TNIK: variants seen among roughly 807,000 people sequenced by gnomAD.
TNIK encodes TRAF2 and NCK interacting kinase.
In TNIK, 49 loss-of-function variants were observed where a neutral mutation model predicts 191.3. That is an observed-to-expected ratio of 0.26 (90% CI 0.20 to 0.32). The LOEUF (loss-of-function observed/expected upper bound fraction) is 0.32. TNIK is among the 10% of genes least tolerant of loss of function. The pLI, the probability that TNIK is intolerant of heterozygous loss-of-function variation, is 1.00. For synonymous variants in TNIK, 594 were observed against 600.9 expected, an observed-to-expected ratio of 0.99 and a Z score of 0.17; for missense variants, 1,155 against 1,702.3, an observed-to-expected ratio of 0.68 and a Z score of 5.66.
chr3:171,073,891 A>AT (rs1438633835), intron 28 of TNIK, among the ~76,000 whole-genome samples: 1 of 152,072 alleles, frequency 6.6e-6, no homozygotes, highest in African/African-American at 2.4e-5. Context: ...AGAAAAGGGA[A>AT]TGCTTATACA....
intron 1 of TNIK, among the ~76,000 whole-genome samples, chr3:171,455,446 GC>G (rs1405992574): frequency 6.7e-5 from 10 of 148,160 alleles, no homozygotes; most frequent in Admixed American, 6.7e-4. Flanking sequence ...TCCCTACATT[GC>G]CCATGATGAT....
chr3:171,456,090 C>T (rs1056579606), intron 1 of TNIK, among the ~76,000 whole-genome samples: 1 of 141,142 alleles, frequency 7.1e-6, no homozygotes, highest in African/African-American at 2.6e-5. Context: ...TGTAGATCAT[C>T]TAATTTTGTT....
intron 23 of TNIK, among the ~76,000 whole-genome samples, chr3:171,093,613 G>A (rs1368046236): frequency 6.6e-6 from 1 of 152,168 alleles, no homozygotes; most frequent in Non-Finnish European, 1.5e-5. Flanking sequence ...TCCTGCTGAA[G>A]AATTTGGAAT....
chr3:171,237,713 G>C (rs901349371), intron 2 of TNIK, among the ~76,000 whole-genome samples: 4 of 152,098 alleles, frequency 2.6e-5, no homozygotes, highest in African/African-American at 9.7e-5. Context: ...CTTGCAGCCA[G>C]GAACTCGAGA....
chr3:171,108,021 T>C, intron 20 of TNIK, 44 bp downstream of exon 20: 1 of 1,543,448 alleles, frequency 6.5e-7, no homozygotes. Context: ...GTGGGTTCTC[T>C]GGTAAATTAA....
intron 6 of TNIK, among the ~76,000 whole-genome samples, chr3:171,190,379 C>T (rs2108831516): frequency 6.6e-6 from 1 of 152,192 alleles, no homozygotes; most frequent in African/African-American, 2.4e-5. Context: ...GTTATAGCAG[C>T]AACAGTATAA....
chr3:171,202,542 A>G (rs917855654), intron 4 of TNIK, among the ~76,000 whole-genome samples: 1 of 152,232 alleles, frequency 6.6e-6, no homozygotes, highest in African/African-American at 2.4e-5. Context: ...CATTAGCAAA[A>G]TAACTTTGGG....
chr3:171,361,388 C>A (rs997563148), intron 2 of TNIK, among the ~76,000 whole-genome samples: 5 of 152,136 alleles, frequency 3.3e-5, no homozygotes, highest in Non-Finnish European at 5.9e-5. Context: ...AGCAATCGAC[C>A]CACCCATATG....
At chr3:171,171,099 T>C (rs763171023) in intron 9 of TNIK, among the ~76,000 whole-genome samples, 46 of 151,990 alleles carry the variant, frequency 3.0e-4, no homozygotes, top group Non-Finnish European at 6.3e-4. Flanking sequence ...AAACATAGAG[T>C]TCTTTAAGGG....
At chr3:171,172,388 G>A (rs1735407047) in intron 9 of TNIK, among the ~76,000 whole-genome samples, 1 of 152,156 alleles carries the variant, frequency 6.6e-6, no homozygotes, top group Non-Finnish European at 1.5e-5. Context: ...TTGGTCGGGG[G>A]AGGGAGTCTT....
chr3:171,440,553 C>T (rs933618507), intron 1 of TNIK, among the ~76,000 whole-genome samples: 13 of 152,096 alleles, frequency 8.5e-5, no homozygotes, highest in Admixed American at 8.5e-4. Context: ...GTTACTGATA[C>T]TGTAGAAAAA....
chr3:171,406,798 A>T (rs1721754086), intron 1 of TNIK, among the ~76,000 whole-genome samples: 1 of 152,208 alleles, frequency 6.6e-6, no homozygotes, highest in Non-Finnish European at 1.5e-5. Flanking sequence ...GAGAAAGAGG[A>T]TGTGTCCCCA....
intron 3 of TNIK, among the ~76,000 whole-genome samples, chr3:171,216,238 C>T (rs1741437797): frequency 6.6e-6 from 1 of 152,042 alleles, no homozygotes; most frequent in African/African-American, 2.4e-5. Flanking sequence ...GAAATCCCTC[C>T]CTGCAATAGA....
intron 2 of TNIK, among the ~76,000 whole-genome samples, chr3:171,228,623 T>A (rs1333334163): frequency 6.6e-6 from 1 of 152,230 alleles, no homozygotes; most frequent in African/African-American, 2.4e-5. Context: ...TCTTAAAATA[T>A]CCTGTGATGG....
intron 27 of TNIK, among the ~76,000 whole-genome samples, chr3:171,081,609 C>T (rs1276979711): frequency 6.7e-6 from 1 of 149,376 alleles, no homozygotes; most frequent in Non-Finnish European, 1.5e-5. Context: ...CCTTCAAATA[C>T]CAAAAAGAAA....
intron 2 of TNIK, among the ~76,000 whole-genome samples, chr3:171,266,310 T>C (rs1748397842): frequency 6.6e-6 from 1 of 152,160 alleles, no homozygotes; most frequent in African/African-American, 2.4e-5. Context: ...AGGAGGTAAC[T>C]GCTAAGGAGA....
At chr3:171,312,823 T>C (rs1262615594) in intron 2 of TNIK, among the ~76,000 whole-genome samples, 1 of 152,170 alleles carries the variant, frequency 6.6e-6, no homozygotes, top group Non-Finnish European at 1.5e-5. Context: ...AAGATTCATA[T>C]TCCTGAACTA....
At chr3:171,193,922 T>G (rs1026571314) in intron 5 of TNIK, among the ~76,000 whole-genome samples, 1 of 152,176 alleles carries the variant, frequency 6.6e-6, no homozygotes, top group East Asian at 1.9e-4. Context: ...GATTTCCTGA[T>G]TGGGGGATGT....
chr3:171,311,658 T>C (rs184572102), intron 2 of TNIK, among the ~76,000 whole-genome samples: 2 of 152,286 alleles, frequency 1.3e-5, no homozygotes, highest in Admixed American at 1.3e-4. Context: ...AAAACAAGCA[T>C]GTCACCTGAG....
Sources: gnomAD v4.1 joint callset for allele counts (sites outside exome capture counted in the v4.1 genomes callset) on GRCh38, gnomAD v4.1.1 for gene constraint, MANE v1.5 for transcripts, NCBI Gene and HGNC (gene_info 2026-07-23, HGNC 2026-07-21) for gene names.